The following GALNT13 variants were observed in gnomAD, a reference collection of about 807,000 sequenced individuals.
GALNT13 encodes the protein UDP-GalNAc:polypeptide N-acetylgalactosaminyltransferase 13.
In GALNT13, 28 loss-of-function variants were observed where a neutral mutation model predicts 64.2. The ratio of observed to expected loss-of-function variants is 0.44; its 90% CI spans 0.32 to 0.60. The LOEUF (loss-of-function observed/expected upper bound fraction) is 0.60. GALNT13 is among the 20% of genes least tolerant of loss of function. GALNT13 has a pLI of 0.05. For missense variants in GALNT13, 577 were observed against 669.8 expected (o/e 0.86, Z 1.53); for synonymous variants, 214 against 224.6 (o/e 0.95, Z 0.42).
At chr2:153,262,459 C>A in the GALNT13 span, among the ~76,000 whole-genome samples, 5 of 152,152 alleles carry the variant, frequency 3.3e-5, no homozygotes, top group Admixed American at 6.5e-5. Flanking sequence ...AGGCCAGCAT[C>A]ATCCTGATAC....
At chr2:154,233,086 G>A (rs969072120) in intron 4 of GALNT13, among the ~76,000 whole-genome samples, 4 of 151,012 alleles carry the variant, frequency 2.6e-5, no homozygotes, top group Middle Eastern at 3.5e-3. Flanking sequence ...AGTACAAATG[G>A]TTCATAAGGA....
At chr2:153,442,519 T>C in the GALNT13 span, among the ~76,000 whole-genome samples, 36 of 152,290 alleles carry the variant, frequency 2.4e-4, no homozygotes, top group African/African-American at 8.2e-4. Context: ...TCAGAAGGAA[T>C]GGTACCAGCT....
In GALNT13 at chr2:154,267,118, A is replaced by G. The variant is rs114430767; in HGVS notation, c.975+7980A>G. Among the ~76,000 whole-genome samples, 1,199 of 152,266 alleles carry G rather than the reference A, an allele frequency of 7.9e-3. 15 individuals carry two copies. The highest frequency in any genetic ancestry group is 0.027 in the African/African-American group (1,141 of 41,574). On this transcript the variant is annotated intron_variant, in intron 8 of 12. Transcript: ENST00000392825. ...GAGAAAGAATAGTAGTTTCAAAAAT[A>G]TTATTAGAACAACTGAATGTCTATG...
chr2:154,086,792 G>GCGATAGGATCCAGATTGAT (rs1701552847), intron 3 of GALNT13, among the ~76,000 whole-genome samples: 1 of 152,034 alleles, frequency 6.6e-6, no homozygotes, highest in Non-Finnish European at 1.5e-5. Flanking sequence ...ACACGCGCAC[G>GCGATAGGATCCAGATTGAT]CGATAGGATC....
At chr2:153,615,862 A>G in the GALNT13 span, among the ~76,000 whole-genome samples, 1 of 152,010 alleles carries the variant, frequency 6.6e-6, no homozygotes, top group Admixed American at 6.6e-5. Context: ...ACCAGTTTGC[A>G]AATATTTTCT....
At chr2:153,431,464 G>C in the GALNT13 span, among the ~76,000 whole-genome samples, 3 of 152,156 alleles carry the variant, frequency 2.0e-5, no homozygotes, top group Non-Finnish European at 4.4e-5. Context: ...ACCTCACCTA[G>C]GTATACACTT....
chr2:153,362,553 C>CAAAAAAAAAAAA, the GALNT13 span, among the ~76,000 whole-genome samples: 3 of 80,318 alleles, frequency 3.7e-5, no homozygotes, highest in Admixed American at 1.4e-4. Flanking sequence ...AAATGGAGAG[C>CAAAAAAAAAAAA]AAAAAAAAAA....
chr2:153,574,758 T>A, the GALNT13 span, among the ~76,000 whole-genome samples: 3 of 151,834 alleles, frequency 2.0e-5, no homozygotes, highest in African/African-American at 7.3e-5. Flanking sequence ...CTGAATTCTT[T>A]GAATTCAGAA....
chr2:153,104,675 T>C, the GALNT13 span, among the ~76,000 whole-genome samples: 7 of 152,142 alleles, frequency 4.6e-5, no homozygotes, highest in African/African-American at 1.7e-4. Context: ...AGTATTTCCA[T>C]TATCTACCAT....
At chr2:153,743,458 A>G in the GALNT13 span, among the ~76,000 whole-genome samples, 1 of 151,862 alleles carries the variant, frequency 6.6e-6, no homozygotes, top group Non-Finnish European at 1.5e-5. Context: ...GTTTTTTTTA[A>G]TTTCAATTTT....
the GALNT13 span, among the ~76,000 whole-genome samples, chr2:153,242,791 T>C: frequency 2.0e-5 from 3 of 152,236 alleles, no homozygotes; most frequent in African/African-American, 7.2e-5. Context: ...AAGATAATTA[T>C]TAACAGCCTG....
chr2:153,080,411 T>A, the GALNT13 span, among the ~76,000 whole-genome samples: 1 of 152,128 alleles, frequency 6.6e-6, no homozygotes, highest in Non-Finnish European at 1.5e-5. Context: ...TGTGATTTGG[T>A]TTCATAGTTC....
intron 9 of GALNT13, among the ~76,000 whole-genome samples, chr2:154,347,648 A>G (rs1000443094): frequency 6.6e-6 from 1 of 152,188 alleles, no homozygotes; most frequent in Admixed American, 6.6e-5. Flanking sequence ...GGTCTTTTCA[A>G]TTCTGCCCAA....
intron 9 of GALNT13, among the ~76,000 whole-genome samples, chr2:154,337,410 G>A (rs768407547): frequency 7.9e-5 from 12 of 151,946 alleles, no homozygotes; most frequent in Non-Finnish European, 4.4e-5. Flanking sequence ...TTTTTAAAAA[G>A]ACAGAAAACT....
At chr2:153,222,732 C>T in the GALNT13 span, among the ~76,000 whole-genome samples, 2 of 152,314 alleles carry the variant, frequency 1.3e-5, no homozygotes, top group East Asian at 3.9e-4. Context: ...GTCAGCGCTG[C>T]CCGGAACTTG....
chr2:153,518,688 A>G, the GALNT13 span, among the ~76,000 whole-genome samples: 4 of 152,190 alleles, frequency 2.6e-5, no homozygotes, highest in African/African-American at 9.6e-5. Flanking sequence ...CTAAAACTAG[A>G]AGTTACTGAA....
At chr2:153,962,718 G>A (rs183172352) in intron 3 of GALNT13, among the ~76,000 whole-genome samples, 15 of 152,226 alleles carry the variant, frequency 9.9e-5, no homozygotes, top group African/African-American at 3.6e-4. Context: ...AGTTTCATGA[G>A]TTTGGACAAA....
At chr2:153,069,805 C>G in the GALNT13 span, among the ~76,000 whole-genome samples, 1 of 152,124 alleles carries the variant, frequency 6.6e-6, no homozygotes, top group East Asian at 1.9e-4. Flanking sequence ...TTGAAACTGG[C>G]AGGCACATTT....
the GALNT13 span, among the ~76,000 whole-genome samples, chr2:153,725,841 CT>C: frequency 4.7e-5 from 6 of 128,462 alleles, no homozygotes; most frequent in South Asian, 2.8e-4. Flanking sequence ...TCTTTTCCCC[CT>C]CTTTGTGAAA....
Sources: allele counts gnomAD v4.1 joint callset (sites outside exome capture counted in the v4.1 genomes callset), GRCh38; gene constraint gnomAD v4.1.1; transcripts MANE v1.5; gene names NCBI Gene and HGNC (gene_info 2026-07-23, HGNC 2026-07-21).